The following COL11A1 variants were observed in gnomAD, a reference collection of about 807,000 sequenced individuals.
The protein encoded by COL11A1 is collagen alpha-1(XI) chain.
A neutral mutation model predicts 265.2 loss-of-function variants in COL11A1; 74 were observed. The ratio of observed to expected loss-of-function variants is 0.28; its 90% CI spans 0.23 to 0.34. The LOEUF (loss-of-function observed/expected upper bound fraction) is 0.34, where lower values mean the gene tolerates loss of function less well. COL11A1 is among the 10% of genes least tolerant of loss of function. The pLI is 1.00. For missense variants in COL11A1, 2,165 were observed against 2,263.6 expected, an observed-to-expected ratio of 0.96 and a Z score of 0.88; for synonymous variants, 816 against 727.6, an observed-to-expected ratio of 1.12 and a Z score of -1.96.
chr1:102,984,334 C>G (rs1302424193), intron 30 of COL11A1, 143 bp from the exon 31 acceptor site: 3 of 584,994 alleles, frequency 5.1e-6, no homozygotes, highest in Non-Finnish European at 9.0e-6. Context: ...TATTTACCTT[C>G]ATTATATTTC....
In COL11A1 at chr1:102,914,707, G is replaced by C; in HGVS notation, c.3921C>G (p.Asn1307Lys). 1 of 1,611,920 alleles carries C rather than the reference G, an allele frequency of 6.2e-7. No homozygotes were observed. Among genetic ancestry groups the C allele is most frequent in the Non-Finnish European group, 8.5e-7 (1 of 1,178,850 alleles). Residue 1307 changes from asparagine (N) to lysine (K), a missense_variant, in exon 51 of 67, where the codon AAC becomes AAG. Coordinates refer to ENST00000370096, the MANE Select transcript of COL11A1 (RefSeq NM_001854.4). ...GPPGDDGPKG[N>K]PGPVGFPGDP... Reference sequence around the variant, plus strand: ...AGAGGGGACCAAACTCACTTACCGGGTTACCCTTAGGGCCATCATCACCTG... The same window carrying C: ...AGAGGGGACCAAACTCACTTACCGGCTTACCCTTAGGGCCATCATCACCTG...
chr1:102,951,027 C>T (rs903772220), intron 41 of COL11A1, among the ~76,000 whole-genome samples: 5 of 152,060 alleles, frequency 3.3e-5, no homozygotes, highest in Admixed American at 6.6e-5. Context: ...GTAAGTTTCC[C>T]GAGGCTTCCC....
chr1:103,010,367 T>C (rs1475988633), intron 14 of COL11A1, among the ~76,000 whole-genome samples: 3 of 152,150 alleles, frequency 2.0e-5, no homozygotes, highest in Non-Finnish European at 4.4e-5. Context: ...AGAAACAATA[T>C]GATTTTTTTC....
intron 12 of COL11A1, 43 bp from the exon 13 acceptor site, chr1:103,014,637 A>G: frequency 6.6e-7 from 1 of 1,516,768 alleles, no homozygotes; most frequent in Non-Finnish European, 9.2e-7. Context: ...TAGCTTTGTC[A>G]AACATGTTGA....
chr1:102,933,442 T>G (rs1474134150), intron 46 of COL11A1, among the ~76,000 whole-genome samples: 2 of 151,236 alleles, frequency 1.3e-5, no homozygotes, highest in Non-Finnish European at 3.0e-5. Context: ...GGAGGCAGTC[T>G]GCCTGTTCTC....
intron 54 of COL11A1, 110 bp from the exon 55 acceptor site, chr1:102,899,104 G>GT (rs1652838421): frequency 4.0e-6 from 2 of 495,914 alleles, no homozygotes; most frequent in South Asian, 7.8e-5. Context: ...ATAAATTGTA[G>GT]TTTTCTATCA....
In COL11A1 at chr1:102,984,128, GCTGTTTTAC is replaced by G; in HGVS notation, c.2556+1_2556+9del. ...AATGTTAATAAACTATAAATATCAA[GCTGTTTTAC>G]CTTTGGACCTTGTCTTCCTGGATAT... On this transcript the variant is annotated splice_donor_variant and splice_donor_5th_base_variant and intron_variant, in intron 31 of 66. Coordinates refer to ENST00000370096, the MANE Select transcript of COL11A1 (RefSeq NM_001854.4). LOFTEE classifies it high-confidence loss of function. 1 of 1,577,136 alleles carries G rather than the reference GCTGTTTTAC, an allele frequency of 6.3e-7. No homozygotes were observed. The highest frequency in any genetic ancestry group is 8.7e-7 in the Non-Finnish European group (1 of 1,148,836).
At position 103,058,762 on chromosome 1, in the gene COL11A1, TA is replaced by T. The variant is rs1247736259; in HGVS notation, c.651+15855del. 2.0e-5 allele frequency among the ~76,000 whole-genome samples: 3 copies of T among 152,174 alleles called. No individual in the cohort carries two copies. In the East Asian group the frequency reaches 5.8e-4, roughly 29 times the overall value. ...CAGAACACACAAAACATTTATCACT[TA>T]AGTTTACCATCTTATTGTGTACATT... On this transcript the variant is annotated intron_variant, in intron 4 of 66. Transcript: ENST00000370096.
intron 41 of COL11A1, among the ~76,000 whole-genome samples, chr1:102,956,359 A>C (rs536873655): frequency 6.6e-6 from 1 of 152,242 alleles, no homozygotes; most frequent in East Asian, 1.9e-4. Flanking sequence ...GTAAACCATA[A>C]GCTCTTTGCA....
chr1:102,966,112 T>C (rs1319678889), intron 37 of COL11A1, among the ~76,000 whole-genome samples: 1 of 152,212 alleles, frequency 6.6e-6, no homozygotes. Flanking sequence ...ATTCAGTCAT[T>C]AAAATATCAT....
intron 48 of COL11A1, 106 bp from the exon 49 acceptor site, chr1:102,920,470 A>G: frequency 1.1e-6 from 1 of 910,652 alleles, no homozygotes; most frequent in Non-Finnish European, 1.8e-6. Flanking sequence ...ATGCATGAGT[A>G]TTCTTAGTCA....
At chr1:103,019,833 G>A (rs1356161154) in intron 9 of COL11A1, among the ~76,000 whole-genome samples, 8 of 149,524 alleles carry the variant, frequency 5.4e-5, no homozygotes, top group African/African-American at 1.5e-4. Context: ...GTGAGAATAC[G>A]CAGTGTTTGG....
At chr1:103,018,224 T>A (rs1015380976) in intron 10 of COL11A1, among the ~76,000 whole-genome samples, 16 of 152,194 alleles carry the variant, frequency 1.1e-4, no homozygotes, top group African/African-American at 3.4e-4. Context: ...GTTGAACATG[T>A]AGAAATCATT....
rs1409135506 is a variant in COL11A1 at position 103,014,619 on chromosome 1, T to A, written c.1489-25A>T. 11 of 1,594,446 alleles carry A rather than the reference T, an allele frequency of 6.9e-6. No homozygotes were observed. The Admixed American group carries it at 1.5e-4, about 22-fold the overall frequency. ...ACTTGGAAGAGATAACATTAAGAAATTCAAAATTAGCTTTGTCAAACATGT... is the reference window on the plus strand; with the variant it reads ...ACTTGGAAGAGATAACATTAAGAAAATCAAAATTAGCTTTGTCAAACATGT... On this transcript the variant is annotated intron_variant, in intron 12 of 66. Coordinates refer to ENST00000370096, the MANE Select transcript of COL11A1 (RefSeq NM_001854.4).
At position 102,962,722 on chromosome 1, in the gene COL11A1, C is replaced by T. The variant is rs761165308; in HGVS notation, c.2955G>A (p.Gly985=). 1.2e-6 allele frequency: 2 copies of T among 1,614,116 alleles called. No homozygotes were observed. Among genetic ancestry groups the T allele is most frequent in the Non-Finnish European group, 1.7e-6 (2 of 1,179,996 alleles). The change falls in exon 39 of 67, where the codon GGG becomes GGA. Residue 985 remains glycine, a synonymous_variant. Coordinates refer to ENST00000370096, the MANE Select transcript of COL11A1 (RefSeq NM_001854.4). ...TGETGPIGER[G]HPGPPGPPGE... is the part of the protein sequence containing the mutation. ...CAGGAGGGCCAGGAGGGCCAGGATG[C>T]CCACGTTCCCCTATTGGACCAGTCT... is the stretch of plus-strand genomic sequence containing the variant.
chr1:103,000,841 A>T (rs1665034940), intron 24 of COL11A1, among the ~76,000 whole-genome samples: 1 of 152,026 alleles, frequency 6.6e-6, no homozygotes, highest in African/African-American at 2.4e-5. Context: ...GCGAAAAAGT[A>T]TAAACTACAC....
intron 56 of COL11A1, 96 bp from the exon 57 acceptor site, chr1:102,898,274 G>A (rs1652703542): frequency 3.7e-6 from 2 of 536,890 alleles, no homozygotes; most frequent in Non-Finnish European, 5.4e-6. Context: ...AGAAAACAAA[G>A]GAAATATCAC....
At chr1:103,095,066 T>C (rs1278741371) in intron 1 of COL11A1, among the ~76,000 whole-genome samples, 1 of 152,102 alleles carries the variant, frequency 6.6e-6, no homozygotes, top group Non-Finnish European at 1.5e-5. Flanking sequence ...AACACCTGAA[T>C]TAACATGCAT....
At chr1:103,096,729 G>A (rs1259747438) in intron 1 of COL11A1, among the ~76,000 whole-genome samples, 1 of 151,822 alleles carries the variant, frequency 6.6e-6, no homozygotes, top group Non-Finnish European at 1.5e-5. Flanking sequence ...AAAAAATGCT[G>A]ACAATAAACA....
Sources: allele counts gnomAD v4.1 joint callset (sites outside exome capture counted in the v4.1 genomes callset), GRCh38; gene constraint gnomAD v4.1.1; transcripts MANE v1.5; gene names NCBI Gene and HGNC (gene_info 2026-07-23, HGNC 2026-07-21).